Variants in RNPS1 observed in about 807,000 individuals in gnomAD.
The protein encoded by RNPS1 is RNA binding protein with serine rich domain 1.
For synonymous variants in RNPS1, 147 were observed against 150.0 expected (o/e 0.98, Z 0.15); for missense variants, 300 against 427.6 (o/e 0.70, Z 2.63).
chr16:2,263,305 G>A lies in RNPS1; in HGVS notation c.228-18C>T. The A allele has an allele frequency of 6.2e-7, 1 of 1,613,266 alleles. No individual in the cohort carries two copies. Among genetic ancestry groups the A allele is most frequent in the Non-Finnish European group, 8.5e-7 (1 of 1,179,530 alleles). On this transcript the variant is annotated intron_variant, in intron 3 of 7. Transcript: ENST00000320225. ...ACCGAGACCTGAGGGCAAGATGAGG[G>A]GTCACAACCACCACACACCAAGTCT...
At chr16:2,267,803 G>A (rs1453902308) in intron 1 of RNPS1, 8 of 1,444,612 alleles carry the variant, frequency 5.5e-6, no homozygotes, top group Middle Eastern at 2.5e-4. Flanking sequence ...GGCCTGGCTG[G>A]GCCACCGCCG....
At chr16:2,267,956 C>G (rs2141601121) in intron 1 of RNPS1, 99 bp downstream of exon 1, 1 of 1,532,222 alleles carries the variant, frequency 6.5e-7, no homozygotes, top group Non-Finnish European at 8.7e-7. Flanking sequence ...CACCGCCGCA[C>G]TGCGGGGCTG....
intron 4 of RNPS1, 116 bp from the exon 5 acceptor site, chr16:2,262,958 G>GAA: frequency 1.5e-6 from 2 of 1,298,612 alleles, no homozygotes; most frequent in Non-Finnish European, 2.2e-6. Context: ...AGACTTTCCT[G>GAA]CTAGTTCACA....
In RNPS1 at chr16:2,254,068, G is replaced by T. The variant is rs549108897; in HGVS notation, c.819-5C>A. On this transcript the variant is annotated splice_region_variant and splice_polypyrimidine_tract_variant and intron_variant, in intron 7 of 7. Transcript: ENST00000320225. ...CTGCGCCTCGGGGAGCGGGACCTGC[G>T]GGAAGAGGAGAAACCACATCAGAGT... 14 of 1,471,910 alleles carry T rather than the reference G, an allele frequency of 9.5e-6. No homozygotes were observed. The Admixed American group carries it at 2.3e-4, about 24-fold the overall frequency. 91.2% of individuals were successfully genotyped at this position (1,471,910 alleles called of 1,614,324 possible).
At chr16:2,256,943 G>A (rs2093581234) in intron 6 of RNPS1, 1 of 152,280 alleles carries the variant, frequency 6.6e-6, no homozygotes. Context: ...GATGGGATGG[G>A]GGTGGTGAGG....
At chr16:2,257,728 C>T (rs2093585061) in intron 6 of RNPS1, 3 of 152,220 alleles carry the variant, frequency 2.0e-5, no homozygotes, top group African/African-American at 7.2e-5. Context: ...GAGCTCCTAA[C>T]CCATTTCAGG....
At chr16:2,267,471 G>A in intron 1 of RNPS1, 1 of 977,730 alleles carries the variant, frequency 1.0e-6, no homozygotes, top group East Asian at 1.1e-4. Flanking sequence ...TCCATAGTGG[G>A]CCGTATCCCC....
chr16:2,256,545 A>C (rs1382928120), intron 6 of RNPS1: 5 of 152,122 alleles, frequency 3.3e-5, no homozygotes, highest in Non-Finnish European at 1.5e-5. Flanking sequence ...GCAACAACTG[A>C]GACTCCGTCT....
At chr16:2,266,066 A>C (rs1380609893) in intron 1 of RNPS1, 40 of 968,860 alleles carry the variant, frequency 4.1e-5, no homozygotes, top group Non-Finnish European at 4.9e-5. Context: ...AGGAGTTGTT[A>C]AGTGAAGATC....
At chr16:2,260,181 A>C (rs982986676) in intron 6 of RNPS1, among the ~76,000 whole-genome samples, 2 of 88,644 alleles carry the variant, frequency 2.3e-5, no homozygotes, top group African/African-American at 9.0e-5. Flanking sequence ...TTTGAGACCT[A>C]GTCTCACTTT....
intron 7 of RNPS1, among the ~76,000 whole-genome samples, 187 bp downstream of exon 7, chr16:2,255,398 G>A (rs1005390156): frequency 8.5e-5 from 13 of 152,188 alleles, no homozygotes; most frequent in African/African-American, 2.7e-4. Context: ...ACTCTAGGGC[G>A]TCTCCTGCCT....
chr16:2,267,774 C>G (rs1472814379), intron 1 of RNPS1: 67 of 1,366,650 alleles, frequency 4.9e-5, no homozygotes, highest in Non-Finnish European at 5.9e-5. Context: ...CCGCGCTCCC[C>G]GCTGGTCTGA....
rs2093615183 is a variant in RNPS1, at chr16:2,264,181, ACTG to A, written c.219_221del (p.Ser74del). On this transcript the variant is annotated inframe_deletion, in exon 3 of 8. Transcript: ENST00000320225. ...TCCAGGCCAGCCCGCCCCACCTGGTACTGCTGCTACCACTGGAAGCGCTGCGCC... is the reference window on the plus strand; with the variant it reads ...TCCAGGCCAGCCCGCCCCACCTGGTACTGCTACCACTGGAAGCGCTGCGCC... 2 of 1,612,816 alleles carry A rather than the reference ACTG, an allele frequency of 1.2e-6. No individual in the cohort carries two copies. Among genetic ancestry groups the A allele is most frequent in the South Asian group, 1.1e-5 (1 of 91,036 alleles).
chr16:2,254,854 G>A (rs991509745), intron 7 of RNPS1, among the ~76,000 whole-genome samples: 2 of 148,420 alleles, frequency 1.3e-5, no homozygotes, highest in African/African-American at 5.0e-5. Flanking sequence ...CCATTCTCCT[G>A]CCTCAGCCTC....
chr16:2,260,299 G>A (rs2093597743), intron 6 of RNPS1, among the ~76,000 whole-genome samples: 1 of 151,812 alleles, frequency 6.6e-6, no homozygotes, highest in African/African-American at 2.4e-5. Context: ...GGGACCACAG[G>A]TGTGTGCCAT....
At chr16:2,263,343 G>T in intron 3 of RNPS1, 56 bp from the exon 4 acceptor site, 3 of 1,549,764 alleles carry the variant, frequency 1.9e-6, no homozygotes, top group Non-Finnish European at 2.7e-6. Context: ...CAGTACAGAC[G>T]CCTCCTCCAA....
chr16:2,266,544 C>T (rs1410991620), intron 1 of RNPS1: 4 of 973,926 alleles, frequency 4.1e-6, no homozygotes, highest in South Asian at 4.7e-5. Context: ...CTTATAGTTA[C>T]CCAGGGCATT....
chr16:2,262,678 C>T (rs1486713588), intron 5 of RNPS1, 62 bp downstream of exon 5: 2 of 1,418,932 alleles, frequency 1.4e-6, no homozygotes, highest in Non-Finnish European at 2.0e-6. Flanking sequence ...CTAAGTTCAT[C>T]TGCAGGCACA....
At chr16:2,263,456 C>G (rs1427747402) in intron 3 of RNPS1, among the ~76,000 whole-genome samples, 169 bp from the exon 4 acceptor site, 1 of 152,196 alleles carries the variant, frequency 6.6e-6, no homozygotes, top group Non-Finnish European at 1.5e-5. Context: ...CCCAGCAAGT[C>G]AGAGCCCTAG....
Sources: allele counts gnomAD v4.1 joint callset (sites outside exome capture counted in the v4.1 genomes callset), GRCh38; gene constraint gnomAD v4.1.1; transcripts MANE v1.5; gene names NCBI Gene and HGNC (gene_info 2026-07-23, HGNC 2026-07-21).